Variants in YARS1 observed in about 807,000 individuals in gnomAD.
The protein encoded by YARS1 is tyrosine--tRNA ligase, cytoplasmic.
In YARS1, 36 loss-of-function variants were observed where a neutral mutation model predicts 62.2. That is an observed-to-expected ratio of 0.58 (90% CI 0.44 to 0.76). The LOEUF (loss-of-function observed/expected upper bound fraction) is 0.76, where lower values mean the gene tolerates loss of function less well. Ranked by LOEUF, YARS1 falls within the 30% of genes least tolerant of loss-of-function variation. The probability of loss-of-function intolerance (pLI) is 0.00; values close to 1 mark genes in which losing one functional copy is unlikely to be tolerated. For synonymous variants in YARS1, 234 were observed against 244.9 expected, an observed-to-expected ratio of 0.96 and a Z score of 0.42; for missense variants, 524 against 639.8, an observed-to-expected ratio of 0.82 and a Z score of 1.95.
chr1:32,797,777 T>A lies in YARS1; in HGVS notation c.577A>T (p.Thr193Ser). Residue 193 changes from threonine (T) to serine (S), a missense_variant, in exon 5 of 13, where the codon ACC becomes TCC. Thr to Ser is a moderately conservative substitution (Grantham distance 58). Coordinates refer to ENST00000373477, the MANE Select transcript of YARS1 (RefSeq NM_003680.4). ...FGGIDQRKIF[T>S]FAEKYLPALG... is the part of the protein sequence containing the mutation. ...CAGACACTCACCTTCTCTGCAAAGG[T>A]GAAAATCTTTCTCTGATCAATGCCT... 6.2e-7 allele frequency: 1 copy of A among 1,614,120 alleles called. No individual in the cohort carries two copies.
intron 3 of YARS1, among the ~76,000 whole-genome samples, chr1:32,809,871 C>G (rs944205139): frequency 6.6e-6 from 1 of 152,004 alleles, no homozygotes; most frequent in African/African-American, 2.4e-5. Flanking sequence ...TTTGGGAGAC[C>G]GAGGTGGGCG....
At chr1:32,797,560 T>C (rs1041055575) in intron 5 of YARS1, 6 of 600,130 alleles carry the variant, frequency 1.0e-5, no homozygotes, top group African/African-American at 5.6e-5. Context: ...TTGAAAGATC[T>C]GGGTACTAAT....
chr1:32,782,703 T>C (rs1653100365), intron 8 of YARS1, 164 bp from the exon 9 acceptor site: 1 of 872,246 alleles, frequency 1.1e-6, no homozygotes, highest in African/African-American at 1.7e-5. Flanking sequence ...TCAGAAAGAC[T>C]AACGTGTCCA....
chr1:32,775,842 C>T lies in YARS1; in HGVS notation c.*139G>A, dbSNP rs1271077097. 1 of 802,108 alleles carries T rather than the reference C, an allele frequency of 1.2e-6. No homozygotes were observed. The highest frequency in any genetic ancestry group is 2.1e-6 in the Non-Finnish European group (1 of 484,156). The allele number at this position is 802,108 out of a possible 1,614,324, so 49.7% of individuals were successfully genotyped here. ...TCTGGGGAGGGTAAGCTGCCCCTTG[C>T]CGAGTTCTGCACCGAATAAAGAGTC... is the stretch of plus-strand genomic sequence containing the variant. On this transcript the variant is annotated 3_prime_UTR_variant, in exon 13 of 13. Coordinates refer to ENST00000373477, the MANE Select transcript of YARS1 (RefSeq NM_003680.4).
chr1:32,793,216 A>C lies in YARS1; in HGVS notation c.592-1962T>G, dbSNP rs137885961. On this transcript the variant is annotated intron_variant, in intron 5 of 12. Coordinates refer to ENST00000373477, the MANE Select transcript of YARS1 (RefSeq NM_003680.4). ...GTTTTATAAAGTCCCTAGAGGAGAA[A>C]GAGAATAAGAGAGAAGCAGTATTTG... 1.6e-3 allele frequency among the ~76,000 whole-genome samples: 245 copies of C among 152,348 alleles called. 1 individual carries two copies. Among genetic ancestry groups the C allele is most frequent in the African/African-American group, 5.7e-3 (235 of 41,586 alleles).
Position 32,781,041 on chromosome 1 carries a change from T to C in YARS1, c.1140+7A>G. On this transcript the variant is annotated splice_region_variant and intron_variant, in intron 10 of 12. Coordinates refer to ENST00000373477, the MANE Select transcript of YARS1 (RefSeq NM_003680.4). ...TGCCTCTCTGAGATGTGGTGAAAAA[T>C]GAGTACCTTCTCCACAGTGATGATT... 1 of 1,613,008 alleles carries C rather than the reference T, an allele frequency of 6.2e-7. No homozygotes were observed. The highest frequency in any genetic ancestry group is 8.5e-7 in the Non-Finnish European group (1 of 1,179,022).
At chr1:32,793,363 T>A (rs1653475460) in intron 5 of YARS1, among the ~76,000 whole-genome samples, 1 of 152,142 alleles carries the variant, frequency 6.6e-6, no homozygotes, top group African/African-American at 2.4e-5. Flanking sequence ...TCATAGCTGG[T>A]CAGGCACAGC....
intron 8 of YARS1, among the ~76,000 whole-genome samples, chr1:32,786,065 T>C (rs1173341436): frequency 1.3e-5 from 2 of 152,030 alleles, no homozygotes; most frequent in East Asian, 3.8e-4. Context: ...TGATAAGAAA[T>C]GTTTCCTGAG....
At chr1:32,799,951 G>A (rs574751176) in intron 4 of YARS1, among the ~76,000 whole-genome samples, 5 of 151,964 alleles carry the variant, frequency 3.3e-5, no homozygotes, top group East Asian at 2.0e-4. Context: ...AAACCATGGC[G>A]CCCAGCCAAC....
chr1:32,810,396 C>CATT (rs768265753), intron 3 of YARS1, among the ~76,000 whole-genome samples, 195 bp downstream of exon 3: 1 of 152,126 alleles, frequency 6.6e-6, no homozygotes, highest in South Asian at 2.1e-4. Flanking sequence ...AGTATTAAGG[C>CATT]ATTTACTAGT....
At chr1:32,790,709 T>C (rs1379485740) in intron 6 of YARS1, 1 of 172,438 alleles carries the variant, frequency 5.8e-6, no homozygotes, top group East Asian at 1.6e-4. Flanking sequence ...ACTCAACCTT[T>C]CACATCTTTG....
chr1:32,805,258 AGAGGGGG>A (rs1638431896), intron 4 of YARS1, among the ~76,000 whole-genome samples: 1 of 110,108 alleles, frequency 9.1e-6, no homozygotes, highest in African/African-American at 4.2e-5. Context: ...GGAGAGGGGG[AGAGGGGG>A]AGAGGGAGAG....
intron 12 of YARS1, among the ~76,000 whole-genome samples, chr1:32,779,058 G>A (rs1652969188): frequency 6.6e-6 from 1 of 152,096 alleles, no homozygotes; most frequent in East Asian, 1.9e-4. Context: ...ATCATTTCTG[G>A]TGACCCTATG....
chr1:32,793,730 T>C (rs577613704), intron 5 of YARS1, among the ~76,000 whole-genome samples: 2 of 152,082 alleles, frequency 1.3e-5, no homozygotes, highest in Non-Finnish European at 2.9e-5. Flanking sequence ...ATATTATCTG[T>C]AAAGGAGAAA....
chr1:32,780,614 C>T lies in YARS1; in HGVS notation c.1141-336G>A, dbSNP rs574705374. On this transcript the variant is annotated intron_variant, in intron 10 of 12. Transcript: ENST00000373477. ...TACACAGTGAGAAGCAAATCCATGTCGAAGGGAAAAAAAGCCCAGAACAAT... is the reference window on the plus strand; with the variant it reads ...TACACAGTGAGAAGCAAATCCATGTTGAAGGGAAAAAAAGCCCAGAACAAT... The T allele has an allele frequency of 2.6e-3, 1,081 of 423,462 alleles. 1 individual carries two copies. The highest frequency in any genetic ancestry group is 4.2e-3 in the Non-Finnish European group (952 of 227,830). The allele number at this position is 423,462 out of a possible 1,614,324, so 26.2% of individuals were successfully genotyped here.
intron 10 of YARS1, chr1:32,780,665 C>G: frequency 2.4e-6 from 1 of 413,226 alleles, no homozygotes; most frequent in South Asian, 2.2e-5. Flanking sequence ...GGTGCATAAC[C>G]TTCTGTCTCT....
At chr1:32,806,720 A>G in intron 3 of YARS1, 109 bp from the exon 4 acceptor site, 1 of 1,462,230 alleles carries the variant, frequency 6.8e-7, no homozygotes, top group Non-Finnish European at 9.4e-7. Flanking sequence ...GTAACCAGGG[A>G]TCTCGGTTTT....
rs1653091250 is a variant in YARS1 at position 32,782,460 on chromosome 1, T to C, written c.986A>G (p.Asn329Ser). ...KLLDPIREKF[N>S]TPALKKLASA... ...GGCCAGTTTTTTCAGGGCAGGGGTA[T>C]TAAACTTTTCCCGGATTGGATCCAG... Residue 329 changes from asparagine to serine, a missense_variant, in exon 9 of 13, where the codon AAT (asparagine) becomes AGT (serine). Coordinates refer to ENST00000373477, the MANE Select transcript of YARS1 (RefSeq NM_003680.4). 1 of 1,614,012 alleles carries C rather than the reference T, an allele frequency of 6.2e-7. No homozygotes were observed. Among genetic ancestry groups the C allele is most frequent in the South Asian group, 1.1e-5 (1 of 91,084 alleles).
In YARS1 at chr1:32,810,679, C is replaced by G; in HGVS notation, c.292G>C (p.Glu98Gln). The change falls in exon 3 of 13, where the codon GAG (glutamate) becomes CAG (glutamine). Residue 98 changes from glutamate (E) to glutamine (Q), a missense_variant. Coordinates refer to ENST00000373477, the MANE Select transcript of YARS1 (RefSeq NM_003680.4). ...TCCAGCATTGCTTTGATCACATTCT[C>G]ATAGTAACTGACTCGGAGTTCTAGA... Reference protein sequence around the residue: ...ELLELRVSYYENVIKAMLESI... With the variant: ...ELLELRVSYYQNVIKAMLESI... 1 of 1,614,144 alleles carries G rather than the reference C, an allele frequency of 6.2e-7. No individual in the cohort carries two copies. Among genetic ancestry groups the G allele is most frequent in the Non-Finnish European group, 8.5e-7 (1 of 1,180,036 alleles).
Sources: allele counts gnomAD v4.1 joint callset (sites outside exome capture counted in the v4.1 genomes callset), GRCh38; gene constraint gnomAD v4.1.1; transcripts MANE v1.5; gene names NCBI Gene and HGNC (gene_info 2026-07-23, HGNC 2026-07-21).